Variants in GULP1 observed in about 807,000 individuals in gnomAD.
The protein encoded by GULP1 is GULP PTB domain containing engulfment adaptor 1.
A neutral mutation model predicts 40.9 loss-of-function variants in GULP1; 19 were observed. The ratio of observed to expected loss-of-function variants is 0.46; its 90% confidence interval spans 0.32 to 0.68. The LOEUF (loss-of-function observed/expected upper bound fraction) is 0.68, where lower values mean the gene tolerates loss of function less well. Among genes scored for constraint, GULP1 ranks in the 30% least tolerant of loss-of-function variants. The pLI is 0.03. For missense variants in GULP1, 312 were observed against 362.2 expected, an observed-to-expected ratio of 0.86 and a Z score of 1.12; for synonymous variants, 119 against 117.6, an observed-to-expected ratio of 1.01 and a Z score of -0.08.
intron 2 of GULP1, among the ~76,000 whole-genome samples, chr2:188,449,339 T>A (rs1341229726): frequency 6.6e-6 from 1 of 152,194 alleles, no homozygotes; most frequent in Non-Finnish European, 1.5e-5. Flanking sequence ...TGTTTTACTA[T>A]TTTTTCTTGT....
At chr2:188,433,904 C>T (rs1202997221) in intron 2 of GULP1, among the ~76,000 whole-genome samples, 6 of 150,914 alleles carry the variant, frequency 4.0e-5, no homozygotes, top group African/African-American at 1.5e-4. Flanking sequence ...AGAAGAGTGG[C>T]CTCAATCCTT....
chr2:188,442,280 T>C (rs1348345468), intron 2 of GULP1, among the ~76,000 whole-genome samples: 1 of 152,208 alleles, frequency 6.6e-6, no homozygotes, highest in Non-Finnish European at 1.5e-5. Context: ...TTTGTTGTTA[T>C]TTTGGTCTGA....
intron 3 of GULP1, among the ~76,000 whole-genome samples, chr2:188,481,168 A>T (rs1575521056): frequency 1.3e-5 from 2 of 151,902 alleles, no homozygotes; most frequent in African/African-American, 4.8e-5. Flanking sequence ...TAGTGATTTT[A>T]CTTTAATTCA....
In GULP1 at chr2:188,426,475, G is replaced by A. The variant is rs1190673757; in HGVS notation, c.-45+42586G>A. Among the ~76,000 whole-genome samples, 3 of 152,122 alleles carry A rather than the reference G, an allele frequency of 2.0e-5. No individual in the cohort carries two copies. The East Asian group carries it at 5.8e-4, about 29-fold the overall frequency. On this transcript the variant is annotated intron_variant, in intron 2 of 11. Coordinates refer to ENST00000409830, the MANE Select transcript of GULP1 (RefSeq NM_016315.4). The stretch of plus-strand genomic sequence containing the variant: ...TGGAAAGGGAAGGAGATTCTGTACA[G>A]AATACAGATTCCCCCATAAGAGACA...
intron 1 of GULP1, among the ~76,000 whole-genome samples, chr2:188,342,594 G>A (rs1284670852): frequency 1.3e-5 from 2 of 152,060 alleles, no homozygotes; most frequent in Non-Finnish European, 2.9e-5. Context: ...ACTATTTTGA[G>A]CATTTGTATT....
Position 188,571,979 on chromosome 2 carries a change from G to C in GULP1, c.609+1859G>C, listed in dbSNP as rs534682421. ...TCTTTATCTGAGGAAGAACATTTGA[G>C]AGGAGCAAAGAGGTTTCAAACATAT... On this transcript the variant is annotated intron_variant, in intron 9 of 11. Coordinates refer to ENST00000409830, the MANE Select transcript of GULP1 (RefSeq NM_016315.4). Among the ~76,000 whole-genome samples the C allele has an allele frequency of 1.6e-4, 24 of 152,282 alleles. No homozygotes were observed. The South Asian group carries it at 5.0e-3, about 32-fold the overall frequency.
In GULP1 at chr2:188,522,720, G is replaced by A. The variant is rs758532995; in HGVS notation, c.91-36G>A. ...AACATGATGCAATGATATATGATATGGTAAAAGCCTGTGTCTCACAAATGA... is the reference window on the plus strand; with the variant it reads ...AACATGATGCAATGATATATGATATAGTAAAAGCCTGTGTCTCACAAATGA... On this transcript the variant is annotated intron_variant, in intron 4 of 11. Coordinates refer to ENST00000409830, the MANE Select transcript of GULP1 (RefSeq NM_016315.4). 2.2e-6 allele frequency: 3 copies of A among 1,337,790 alleles called. No individual in the cohort carries two copies. The East Asian group carries it at 6.9e-5, about 31-fold the overall frequency. The allele number at this position is 1,337,790 out of a possible 1,614,324, so 82.9% of individuals were successfully genotyped here.
rs565010325 is a variant in GULP1, at chr2:188,426,362, G to T, written c.-45+42473G>T. ...TGTAGATGAAGCTTCCATAGAGCAGGCTTCAGAGAGAATAGATGGTAAGCC... is the reference window on the plus strand; with the variant it reads ...TGTAGATGAAGCTTCCATAGAGCAGTCTTCAGAGAGAATAGATGGTAAGCC... On this transcript the variant is annotated intron_variant, in intron 2 of 11. Transcript: ENST00000409830. Among the ~76,000 whole-genome samples the T allele has an allele frequency of 1.8e-4, 27 of 152,226 alleles. 1 individual carries two copies. The South Asian group carries it at 5.2e-3, about 29-fold the overall frequency.
At chr2:188,390,314 T>A (rs1277874768) in intron 2 of GULP1, among the ~76,000 whole-genome samples, 1 of 152,172 alleles carries the variant, frequency 6.6e-6, no homozygotes, top group Non-Finnish European at 1.5e-5. Context: ...TAATAGCTAT[T>A]CTTGCAGGGC....
intron 2 of GULP1, among the ~76,000 whole-genome samples, chr2:188,414,207 A>G (rs1343821263): frequency 7.3e-6 from 1 of 137,572 alleles, no homozygotes; most frequent in Non-Finnish European, 1.5e-5. Flanking sequence ...ACAGAGCGAG[A>G]CTCCATCTCA....
chr2:188,473,844 G>A (rs566749474), intron 2 of GULP1, among the ~76,000 whole-genome samples: 6 of 152,196 alleles, frequency 3.9e-5, no homozygotes, highest in Non-Finnish European at 5.9e-5. Flanking sequence ...CAAGCTGAAG[G>A]AGTCTTGCCC....
intron 1 of GULP1, among the ~76,000 whole-genome samples, chr2:188,363,681 CGGAGCAATAGTAATTGTGGT>C (rs1222497100): frequency 2.8e-4 from 43 of 152,130 alleles, no homozygotes; most frequent in African/African-American, 9.9e-4. Context: ...AATATTAGGT[CGGAGCAATAGTAATTGTGGT>C]TTTTGCCATT....
intron 2 of GULP1, among the ~76,000 whole-genome samples, chr2:188,473,044 C>G (rs1459907744): frequency 1.3e-5 from 2 of 152,230 alleles, no homozygotes; most frequent in Non-Finnish European, 2.9e-5. Flanking sequence ...CATAGAGATA[C>G]TGCCCTGATG....
chr2:188,293,930 G>T (rs941201743), intron 1 of GULP1: 2 of 152,224 alleles, frequency 1.3e-5, no homozygotes, highest in African/African-American at 4.8e-5. Flanking sequence ...TTTGCAATGA[G>T]AATTTTTAGG....
rs73036442 is a variant in GULP1, at chr2:188,322,917, A to G, written c.-172+30751A>G. On this transcript the variant is annotated intron_variant, in intron 1 of 11. Transcript: ENST00000409830. ...TTTTATTCTGGCCAAAAGCCTTCAA[A>G]GTTCTGCCTTTTGTCAAGACCTCTT... Among the ~76,000 whole-genome samples, 407 of 152,144 alleles carry G rather than the reference A, an allele frequency of 2.7e-3. 2 individuals are homozygous for G. Among genetic ancestry groups the G allele is most frequent in the African/African-American group, 9.2e-3 (382 of 41,530 alleles).
chr2:188,350,676 A>G (rs747004206), intron 1 of GULP1, among the ~76,000 whole-genome samples: 6 of 151,908 alleles, frequency 3.9e-5, no homozygotes, highest in Non-Finnish European at 8.8e-5. Flanking sequence ...TCTTAACTAA[A>G]TTTGTAGGTT....
chr2:188,587,029 A>G (rs143939885), intron 10 of GULP1, among the ~76,000 whole-genome samples: 1 of 152,154 alleles, frequency 6.6e-6, no homozygotes, highest in Non-Finnish European at 1.5e-5. Context: ...TATAAATACT[A>G]ATTTTCATAT....
At chr2:188,440,236 G>C (rs1479438144) in intron 2 of GULP1, among the ~76,000 whole-genome samples, 2 of 152,170 alleles carry the variant, frequency 1.3e-5, no homozygotes, top group African/African-American at 4.8e-5. Flanking sequence ...TTTTGCATCA[G>C]CCTGAGGGCA....
At chr2:188,467,591 A>T (rs887281845) in intron 2 of GULP1, among the ~76,000 whole-genome samples, 1 of 152,120 alleles carries the variant, frequency 6.6e-6, no homozygotes, top group Non-Finnish European at 1.5e-5. Flanking sequence ...TAAGCTGTAC[A>T]CACAGTTCTC....
Sources: allele counts gnomAD v4.1 joint callset (sites outside exome capture counted in the v4.1 genomes callset), GRCh38; gene constraint gnomAD v4.1.1; transcripts MANE v1.5; gene names NCBI Gene and HGNC (gene_info 2026-07-23, HGNC 2026-07-21).